The following ESR1 variants were observed in gnomAD, a reference collection of about 807,000 sequenced individuals.
The protein encoded by ESR1 is estrogen receptor.
In ESR1, 12 loss-of-function variants were observed where a neutral mutation model predicts 52.7. That is an observed-to-expected ratio of 0.23 (90% confidence interval 0.15 to 0.37). The LOEUF is 0.37. Among genes scored for constraint, ESR1 ranks in the 10% least tolerant of loss-of-function variants. The pLI is 1.00. For synonymous variants in ESR1, 305 were observed against 316.8 expected (o/e 0.96, Z 0.39); for missense variants, 584 against 779.7 (o/e 0.75, Z 2.99).
chr6:151,803,440 G>A (rs1359321669), upstream of ESR1, among the ~76,000 whole-genome samples: 1 of 152,184 alleles, frequency 6.6e-6, no homozygotes, highest in Non-Finnish European at 1.5e-5. Flanking sequence ...AGTTCTTGGA[G>A]TATTAAAATT....
intron 5 of ESR1, among the ~76,000 whole-genome samples, chr6:152,044,686 G>A (rs946264804): frequency 3.9e-5 from 6 of 152,194 alleles, no homozygotes. Flanking sequence ...GAAGCATCCA[G>A]CACAGGAGAA....
At chr6:151,739,034 A>T (rs1245640322) in intron 2 of ESR1, among the ~76,000 whole-genome samples, 3 of 152,314 alleles carry the variant, frequency 2.0e-5, no homozygotes, top group Admixed American at 2.0e-4. Flanking sequence ...AAACCATGGA[A>T]TATGGATGAT....
chr6:152,043,372 CA>C (rs1225869268), intron 5 of ESR1, among the ~76,000 whole-genome samples: 1 of 152,196 alleles, frequency 6.6e-6, no homozygotes, highest in African/African-American at 2.4e-5. Flanking sequence ...ACCATTAGCC[CA>C]CACCCTTAAT....
At chr6:151,843,417 T>C (rs988782264) in intron 2 of ESR1, among the ~76,000 whole-genome samples, 1 of 152,186 alleles carries the variant, frequency 6.6e-6, no homozygotes, top group Non-Finnish European at 1.5e-5. Flanking sequence ...TCCATTGTTT[T>C]CTTGTCTATA....
chr6:151,802,711 G>A (rs151066472), upstream of ESR1, among the ~76,000 whole-genome samples: 205 of 152,280 alleles, frequency 1.3e-3, no homozygotes, highest in African/African-American at 4.6e-3. Context: ...TTGAAAGACC[G>A]GGCGTGATGG....
intron 1 of ESR1, among the ~76,000 whole-genome samples, chr6:151,832,364 C>A (rs1782582684): frequency 6.6e-6 from 1 of 152,040 alleles, no homozygotes; most frequent in Non-Finnish European, 1.5e-5. Flanking sequence ...CTTGTCAATT[C>A]TTTTTAAGAA....
intron 5 of ESR1, among the ~76,000 whole-genome samples, chr6:152,041,588 T>C (rs2045803511): frequency 6.6e-6 from 1 of 152,226 alleles, no homozygotes; most frequent in Non-Finnish European, 1.5e-5. Context: ...TTTCCCAACC[T>C]CTGGCACACA....
chr6:151,958,809 ATCAC>A (rs1315866368), intron 4 of ESR1, among the ~76,000 whole-genome samples: 1 of 152,210 alleles, frequency 6.6e-6, no homozygotes, highest in Non-Finnish European at 1.5e-5. Flanking sequence ...TTCAGAAAGC[ATCAC>A]TCCCCTGTAC....
intron 1 of ESR1, chr6:151,813,993 C>T (rs895535780): frequency 3.9e-5 from 6 of 152,140 alleles, no homozygotes; most frequent in Non-Finnish European, 5.9e-5. Context: ...TCTCAGAAGC[C>T]GTAGAACTGG....
chr6:151,719,236 G>C (rs1214769980), intron 2 of ESR1, among the ~76,000 whole-genome samples: 1 of 151,948 alleles, frequency 6.6e-6, no homozygotes, highest in Non-Finnish European at 1.5e-5. Context: ...GGTGGAGGCA[G>C]GCAGATGATT....
intron 2 of ESR1, among the ~76,000 whole-genome samples, chr6:151,756,373 G>A (rs1282104440): frequency 2.6e-5 from 4 of 152,008 alleles, no homozygotes; most frequent in African/African-American, 7.2e-5. Flanking sequence ...TCGGCCTCCC[G>A]AGTAGCTGGG....
chr6:151,901,482 A>C (rs1796685170), intron 3 of ESR1, among the ~76,000 whole-genome samples: 1 of 152,120 alleles, frequency 6.6e-6, no homozygotes, highest in African/African-American at 2.4e-5. Context: ...TGGAATTGTT[A>C]CAAAGTTCAG....
intron 1 of ESR1, among the ~76,000 whole-genome samples, chr6:151,683,598 A>C (rs2115306462): frequency 6.6e-6 from 1 of 152,328 alleles, no homozygotes; most frequent in South Asian, 2.1e-4. Context: ...GAGATACAGA[A>C]GTAACTCAGG....
downstream of ESR1, among the ~76,000 whole-genome samples, chr6:152,106,039 C>T (rs1011196002): frequency 6.7e-5 from 10 of 150,368 alleles, no homozygotes; most frequent in South Asian, 2.1e-4. Context: ...ATGATCCACC[C>T]GCCTCGGCCT....
Position 151,750,022 on chromosome 6 carries a change from G to A in ESR1, c.-71+48017G>A, listed in dbSNP as rs532752072. On this transcript the variant is annotated intron_variant, in intron 2 of 2. Coordinates refer to the ESR1 transcript ENST00000404742. ...GGTTTTAAATACAAAAGGAATGAGGGAGGGAGACATGAATATAGATGGGTG... is the reference window on the plus strand; with the variant it reads ...GGTTTTAAATACAAAAGGAATGAGGAAGGGAGACATGAATATAGATGGGTG... Among the ~76,000 whole-genome samples, 6 of 152,316 alleles carry A rather than the reference G, an allele frequency of 3.9e-5. No individual in the cohort carries two copies. The East Asian group carries it at 9.6e-4, about 24-fold the overall frequency.
At chr6:151,950,427 G>A (rs1210835299) in intron 4 of ESR1, among the ~76,000 whole-genome samples, 2 of 152,150 alleles carry the variant, frequency 1.3e-5, no homozygotes. Flanking sequence ...TATGGGCTGA[G>A]TTGTCTCTCC....
At chr6:152,067,479 A>G (rs72993653) in intron 6 of ESR1, among the ~76,000 whole-genome samples, 2,245 of 152,280 alleles carry the variant, frequency 0.015, 28 homozygotes, top group Non-Finnish European at 0.023. Flanking sequence ...CAGATACTCA[A>G]TTTGATTACC....
chr6:151,660,867 A>G (rs959878107), intron 1 of ESR1, among the ~76,000 whole-genome samples: 1 of 152,106 alleles, frequency 6.6e-6, no homozygotes, highest in Non-Finnish European at 1.5e-5. Context: ...AACCTTTCGC[A>G]CTCACGAGAT....
intron 4 of ESR1, among the ~76,000 whole-genome samples, chr6:151,971,684 A>G (rs2038928390): frequency 6.6e-6 from 1 of 152,196 alleles, no homozygotes; most frequent in Non-Finnish European, 1.5e-5. Flanking sequence ...TCATAGCATT[A>G]AATACCTACA....
Sources: gnomAD v4.1 joint callset for allele counts (sites outside exome capture counted in the v4.1 genomes callset) on GRCh38, gnomAD v4.1.1 for gene constraint, MANE v1.5 for transcripts, NCBI Gene and HGNC (gene_info 2026-07-23, HGNC 2026-07-21) for gene names.